The following RAB3GAP1 variants were observed in gnomAD, a reference collection of about 807,000 sequenced individuals.
RAB3GAP1 encodes rab3 GTPase-activating protein catalytic subunit.
In RAB3GAP1, 86 loss-of-function variants were observed where a neutral mutation model predicts 130.7. The ratio of observed to expected loss-of-function variants is 0.66; its 90% CI spans 0.55 to 0.79. The LOEUF (loss-of-function observed/expected upper bound fraction) is 0.79. Ranked by LOEUF, RAB3GAP1 falls within the 30% of genes least tolerant of loss-of-function variation. RAB3GAP1 has a pLI of 0.00. For synonymous variants in RAB3GAP1, 367 were observed against 401.7 expected (o/e 0.91, Z 1.03); for missense variants, 1,029 against 1,169.4 (o/e 0.88, Z 1.75).
intron 23 of RAB3GAP1, chr2:135,167,802 A>T (rs1462127029): frequency 2.6e-6 from 3 of 1,155,924 alleles, no homozygotes; most frequent in Admixed American, 4.7e-5. Context: ...CACCTCTCTC[A>T]CAGTCTGGAT....
rs374943682 is a variant in RAB3GAP1, at chr2:135,065,230, C to T, written c.150+7144C>T. ...AGTAAAGCTATATCTTTCTGCTTCC[C>T]GAGTTGTACACAGATTAGAGCCCCC... On this transcript the variant is annotated intron_variant, in intron 3 of 23. Coordinates refer to ENST00000264158, the MANE Select transcript of RAB3GAP1 (RefSeq NM_012233.3). 2.2e-4 allele frequency among the ~76,000 whole-genome samples: 33 copies of T among 152,248 alleles called. No homozygotes were observed. In the South Asian group the frequency reaches 5.8e-3, roughly 27 times the overall value.
At chr2:135,171,974 A>G (rs1054070485), downstream of RAB3GAP1, among the ~76,000 whole-genome samples, 3 of 152,212 alleles carry the variant, frequency 2.0e-5, no homozygotes, top group African/African-American at 7.2e-5. Context: ...AAGGAAGGCC[A>G]CTGTGGCTGA....
rs371454955 is a variant in RAB3GAP1, at chr2:135,152,537, G to C, written c.2062-1112G>C. ...TATGATGTTAACTGATTAAGATCTA[G>C]ATCTTTGTACATGAATCCTGAGTCA... On this transcript the variant is annotated intron_variant, in intron 18 of 23. Transcript: ENST00000264158. 2.2e-4 allele frequency among the ~76,000 whole-genome samples: 34 copies of C among 152,318 alleles called. No individual in the cohort carries two copies. The South Asian group carries it at 5.8e-3, about 26-fold the overall frequency.
At chr2:135,176,261 A>C (rs1257379569) in exon 25 of RAB3GAP1, 1 of 152,242 alleles carries the variant, frequency 6.6e-6, no homozygotes, top group Non-Finnish European at 1.5e-5. Flanking sequence ...TGTCTAACCA[A>C]AGGAAAGGAA....
chr2:135,175,850 T>A (rs1050488900), intron 24 of RAB3GAP1, among the ~76,000 whole-genome samples: 1 of 152,196 alleles, frequency 6.6e-6, no homozygotes, highest in Non-Finnish European at 1.5e-5. Context: ...ACTGATAAAT[T>A]TGGCAAAAGA....
intron 3 of RAB3GAP1, among the ~76,000 whole-genome samples, chr2:135,072,275 G>A (rs759816824): frequency 1.4e-4 from 21 of 152,298 alleles, no homozygotes; most frequent in Admixed American, 5.2e-4. Context: ...GACATAACTA[G>A]CATTCAACTG....
chr2:135,094,611 C>T (rs186728508), intron 5 of RAB3GAP1, among the ~76,000 whole-genome samples: 2 of 152,282 alleles, frequency 1.3e-5, no homozygotes, highest in East Asian at 3.9e-4. Flanking sequence ...CCTCCCATAG[C>T]TAGCCTTTTT....
intron 3 of RAB3GAP1, among the ~76,000 whole-genome samples, chr2:135,075,307 A>G (rs563550489): frequency 2.6e-5 from 4 of 152,326 alleles, no homozygotes; most frequent in South Asian, 2.1e-4. Context: ...AATGATGCAT[A>G]TGTATAAAAA....
chr2:135,165,734 C>G (rs981911238), intron 23 of RAB3GAP1, among the ~76,000 whole-genome samples: 2 of 152,098 alleles, frequency 1.3e-5, no homozygotes, highest in Non-Finnish European at 1.5e-5. Context: ...GTTTTTCTCT[C>G]TGGCATGAAA....
intron 23 of RAB3GAP1, 146 bp downstream of exon 23, chr2:135,164,842 T>C: frequency 1.5e-6 from 1 of 669,620 alleles, no homozygotes. Context: ...GAAGAAACAA[T>C]GACTTCTGAG....
chr2:135,082,861 C>T (rs1689866788), intron 3 of RAB3GAP1, among the ~76,000 whole-genome samples: 1 of 152,130 alleles, frequency 6.6e-6, no homozygotes. Context: ...GGTTCCAAGA[C>T]ACCATTCCCC....
intron 2 of RAB3GAP1, 141 bp downstream of exon 2, chr2:135,052,626 C>G: frequency 2.0e-6 from 2 of 985,412 alleles, no homozygotes; most frequent in Non-Finnish European, 3.1e-6. Context: ...CTCCCCCAGT[C>G]TTCTTTGGTC....
In RAB3GAP1 at chr2:135,109,529, A is replaced by G. The variant is rs75971244; in HGVS notation, c.363-3622A>G. On this transcript the variant is annotated intron_variant, in intron 5 of 23. Coordinates refer to ENST00000264158, the MANE Select transcript of RAB3GAP1 (RefSeq NM_012233.3). ...TATGTAATTCGTTTGAGTTTTGTCCATTTTAAATATTGATATATTCTTCCC... is the reference window on the plus strand; with the variant it reads ...TATGTAATTCGTTTGAGTTTTGTCCGTTTTAAATATTGATATATTCTTCCC... Among the ~76,000 whole-genome samples the G allele has an allele frequency of 3.1e-3, 479 of 152,074 alleles. 12 individuals are homozygous for G. In the East Asian group the frequency reaches 0.081, roughly 26 times the overall value.
At chr2:135,086,524 C>T (rs1279229657) in intron 3 of RAB3GAP1, among the ~76,000 whole-genome samples, 3 of 151,930 alleles carry the variant, frequency 2.0e-5, no homozygotes, top group Admixed American at 6.6e-5. Flanking sequence ...TCATTCATAG[C>T]GCTTTCTGCT....
intron 17 of RAB3GAP1, among the ~76,000 whole-genome samples, chr2:135,138,597 C>T (rs1342186341): frequency 6.6e-6 from 1 of 151,362 alleles, no homozygotes; most frequent in Non-Finnish European, 1.5e-5. Context: ...CATATTAATA[C>T]ATGGTTTTAT....
chr2:135,090,013 C>T (rs1052224972), intron 3 of RAB3GAP1: 1 of 193,092 alleles, frequency 5.2e-6, no homozygotes, highest in Non-Finnish European at 1.1e-5. Context: ...TTGCAGCAAA[C>T]CACTATGGCA....
intron 18 of RAB3GAP1, among the ~76,000 whole-genome samples, chr2:135,152,641 C>T (rs1048546759): frequency 2.6e-5 from 4 of 152,136 alleles, no homozygotes; most frequent in African/African-American, 9.7e-5. Context: ...GTGTTGTTGA[C>T]AGTCAGTGAA....
chr2:135,094,916 TG>T (rs1690248048), intron 5 of RAB3GAP1, among the ~76,000 whole-genome samples: 1 of 152,266 alleles, frequency 6.6e-6, no homozygotes, highest in African/African-American at 2.4e-5. Flanking sequence ...ATTGTGTATA[TG>T]TACCACATTT....
chr2:135,069,133 C>T (rs984595716), intron 3 of RAB3GAP1, among the ~76,000 whole-genome samples: 2 of 152,178 alleles, frequency 1.3e-5, no homozygotes, highest in Admixed American at 6.5e-5. Context: ...ATTACATACA[C>T]AACACATTGC....
Sources: gnomAD v4.1 joint callset for allele counts (sites outside exome capture counted in the v4.1 genomes callset) on GRCh38, gnomAD v4.1.1 for gene constraint, MANE v1.5 for transcripts, NCBI Gene and HGNC (gene_info 2026-07-23, HGNC 2026-07-21) for gene names.